LRRC37A2: variants seen among roughly 807,000 people sequenced by gnomAD.
LRRC37A2 encodes leucine rich repeat containing 37 member A2, also known as leucine-rich repeat-containing protein 37A2.
In LRRC37A2, 9 loss-of-function variants were observed where a neutral mutation model predicts 68.8. The observed-to-expected ratio is 0.13, with a 90% CI of 0.08 to 0.23. LRRC37A2 has a LOEUF of 0.23. LRRC37A2 is among the 10% of genes least tolerant of loss of function. LRRC37A2 has a pLI of 1.00. For synonymous variants in LRRC37A2, 63 were observed against 367.6 expected, an observed-to-expected ratio of 0.17 and a Z score of 9.48; for missense variants, 168 against 950.4, an observed-to-expected ratio of 0.18 and a Z score of 10.82.
chr17:46,448,448 ATATACT>A, the LRRC37A2 span, among the ~76,000 whole-genome samples: 1 of 78,414 alleles, frequency 1.3e-5, no homozygotes, highest in African/African-American at 4.6e-5. Flanking sequence ...TGGAAAATAA[ATATACT>A]TATGATAGAG....
chr17:46,778,052 G>A, the LRRC37A2 span, among the ~76,000 whole-genome samples: 1 of 152,168 alleles, frequency 6.6e-6, no homozygotes, highest in Non-Finnish European at 1.5e-5. Context: ...ACGACAGGAG[G>A]AATAAGTGAC....
At chr17:46,501,560 A>G in the LRRC37A2 span, among the ~76,000 whole-genome samples, 3 of 151,264 alleles carry the variant, frequency 2.0e-5, no homozygotes, top group Non-Finnish European at 4.4e-5. Flanking sequence ...TTTATCATCA[A>G]CATGCTCATC....
the LRRC37A2 span, among the ~76,000 whole-genome samples, chr17:46,765,668 AGCCTGGGCCCATT>A: frequency 6.6e-6 from 1 of 152,208 alleles, no homozygotes; most frequent in African/African-American, 2.4e-5. Flanking sequence ...GTCTCGGCCG[AGCCTGGGCCCATT>A]GCTCCAGAGC....
the LRRC37A2 span, among the ~76,000 whole-genome samples, chr17:46,787,137 G>A: frequency 6.6e-6 from 1 of 151,956 alleles, no homozygotes; most frequent in Non-Finnish European, 1.5e-5. Flanking sequence ...ATGAAGTCCT[G>A]CTATATTGCC....
chr17:46,598,760 C>T, the LRRC37A2 span, among the ~76,000 whole-genome samples: 73 of 152,018 alleles, frequency 4.8e-4, no homozygotes, highest in African/African-American at 1.6e-3. Flanking sequence ...GACATCATTA[C>T]CAAACAAACT....
At chr17:47,009,917 C>T in the LRRC37A2 span, among the ~76,000 whole-genome samples, 12 of 152,334 alleles carry the variant, frequency 7.9e-5, no homozygotes, top group African/African-American at 2.9e-4. Context: ...GAAACTTCTC[C>T]CAGACTTCCT....
chr17:46,537,089 T>A (rs1316422606), intron 6 of LRRC37A2, among the ~76,000 whole-genome samples: 2 of 80,872 alleles, frequency 2.5e-5, no homozygotes, highest in African/African-American at 1.6e-4. Flanking sequence ...TTTTTTTTTT[T>A]TTTTTTTTTT....
At chr17:46,935,490 A>T in the LRRC37A2 span, 3 of 1,352,338 alleles carry the variant, frequency 2.2e-6, no homozygotes, top group Non-Finnish European at 2.8e-6. Flanking sequence ...TGTGTTACAG[A>T]ATCTACTCTT....
the LRRC37A2 span, among the ~76,000 whole-genome samples, chr17:46,717,743 G>A: frequency 6.6e-6 from 1 of 152,176 alleles, no homozygotes; most frequent in African/African-American, 2.4e-5. Context: ...GTCGTTCGGG[G>A]AGTGGGCCTG....
the LRRC37A2 span, among the ~76,000 whole-genome samples, chr17:46,866,000 T>A: frequency 1.3e-5 from 2 of 151,528 alleles, no homozygotes; most frequent in Non-Finnish European, 2.9e-5. Context: ...AAAGAGGGGG[T>A]GGAGAGAGTT....
chr17:46,728,797 T>C, the LRRC37A2 span: 5 of 1,138,038 alleles, frequency 4.4e-6, no homozygotes, highest in African/African-American at 6.3e-5. Flanking sequence ...AAAAACTGAA[T>C]GTTTGGAATA....
chr17:46,748,137 C>T, the LRRC37A2 span, among the ~76,000 whole-genome samples: 8 of 152,102 alleles, frequency 5.3e-5, no homozygotes, highest in East Asian at 1.9e-4. Flanking sequence ...GATGGAGTTT[C>T]GCTCTTGTTG....
At chr17:46,720,023 T>C in the LRRC37A2 span, among the ~76,000 whole-genome samples, 1 of 152,244 alleles carries the variant, frequency 6.6e-6, no homozygotes, top group Admixed American at 6.5e-5. Flanking sequence ...TAAATCCCAC[T>C]GCAAATTGTA....
the LRRC37A2 span, among the ~76,000 whole-genome samples, chr17:46,611,641 CA>C: frequency 2.8e-5 from 4 of 144,522 alleles, no homozygotes; most frequent in African/African-American, 1.1e-4. Context: ...ATCTTTTCAA[CA>C]AATGTTGCTG....
the LRRC37A2 span, among the ~76,000 whole-genome samples, chr17:46,972,517 C>T: frequency 6.6e-6 from 1 of 152,242 alleles, no homozygotes; most frequent in Non-Finnish European, 1.5e-5. Context: ...GGTTTGTCAG[C>T]CTCCCCAGCT....
chr17:47,016,056 T>C, the LRRC37A2 span, among the ~76,000 whole-genome samples: 1 of 152,188 alleles, frequency 6.6e-6, no homozygotes, highest in Admixed American at 6.5e-5. Context: ...GCGATTCTCC[T>C]GCTTTGGCCT....
the LRRC37A2 span, among the ~76,000 whole-genome samples, chr17:46,899,411 A>C: frequency 6.6e-6 from 1 of 151,792 alleles, no homozygotes; most frequent in East Asian, 1.9e-4. Context: ...TCTCAAAACA[A>C]ACAAACAAAC....
At chr17:46,922,379 T>C in the LRRC37A2 span, among the ~76,000 whole-genome samples, 35,894 of 152,050 alleles carry the variant, frequency 0.24, 5,361 homozygotes, top group Non-Finnish European at 0.34. Flanking sequence ...ATATACCTAA[T>C]GTAAATGACG....
At chr17:46,534,256 G>T (rs1330779277) in intron 6 of LRRC37A2, among the ~76,000 whole-genome samples, 1 of 144,400 alleles carries the variant, frequency 6.9e-6, no homozygotes, top group Non-Finnish European at 1.5e-5. Flanking sequence ...GGGGGATTTG[G>T]CAGGGTCATA....
Sources: allele counts gnomAD v4.1 joint callset (sites outside exome capture counted in the v4.1 genomes callset), GRCh38; gene constraint gnomAD v4.1.1; transcripts MANE v1.5; gene names NCBI Gene and HGNC (gene_info 2026-07-23, HGNC 2026-07-21).